The following LRRC53 variants were observed in gnomAD, a reference collection of about 807,000 sequenced individuals.
The protein encoded by LRRC53 is leucine-rich repeat-containing protein 53.
LRRC53 carries 25 observed loss-of-function variants against 13.6 expected under a neutral mutation model. The observed-to-expected ratio is 1.83, with a 90% CI of 1.34 to 2.56. The LOEUF is 2.56. LRRC53 is among the 30% of genes most tolerant of loss of function. LRRC53 has a pLI of 0.00. For missense variants in LRRC53, 527 were observed against 275.8 expected, an observed-to-expected ratio of 1.91 and a Z score of -6.45; for synonymous variants, 204 against 109.8, an observed-to-expected ratio of 1.86 and a Z score of -5.37.
chr1:74,513,759 C>A (rs1451332248), upstream of LRRC53, among the ~76,000 whole-genome samples: 1 of 152,170 alleles, frequency 6.6e-6, no homozygotes, highest in Non-Finnish European at 1.5e-5. Context: ...AAGCTGATGA[C>A]ACATTACTTT....
the LRRC53 span, among the ~76,000 whole-genome samples, chr1:74,530,841 T>A: frequency 6.6e-6 from 1 of 152,238 alleles, no homozygotes; most frequent in Non-Finnish European, 1.5e-5. Flanking sequence ...CTCTTAATGG[T>A]TTGCTCAGCT....
At chr1:74,525,276 G>A in the LRRC53 span, among the ~76,000 whole-genome samples, 11 of 152,158 alleles carry the variant, frequency 7.2e-5, no homozygotes, top group African/African-American at 1.9e-4. Context: ...TCTTCTAAGC[G>A]CTTTGCGTGT....
At position 74,480,829 on chromosome 1, in the gene LRRC53, G is replaced by A. The variant is rs1047773144; in HGVS notation, c.228C>T (p.Ala76=). 1.2e-4 allele frequency: 86 copies of A among 717,522 alleles called. No homozygotes were observed. In the East Asian group the frequency reaches 1.9e-3, roughly 16 times the overall value. The allele number at this position is 717,522 out of a possible 1,614,324, so 44.4% of individuals were successfully genotyped here. Residue 76 remains alanine (A), a synonymous_variant, in exon 3 of 5, where the codon GCC becomes GCT. Coordinates refer to ENST00000294635, the MANE Select transcript of LRRC53 (RefSeq NM_001382280.1). ...TCCGCAACATCGTAAGCCCATGCAGGGCATCTTCCTGAACATCCTCGATAC... is the reference window on the plus strand; with the variant it reads ...TCCGCAACATCGTAAGCCCATGCAGAGCATCTTCCTGAACATCCTCGATAC... The part of the protein sequence containing the change: ...RNGIEDVQED[A]LHGLTMLRTL...
rs115136068 is a variant in LRRC53 at position 74,499,030 on chromosome 1, A to G, written c.-27+13496T>C. Among the ~76,000 whole-genome samples, 908 of 152,350 alleles carry G rather than the reference A, an allele frequency of 6.0e-3. 14 individuals carry two copies. Among genetic ancestry groups the G allele is most frequent in the African/African-American group, 0.02 (843 of 41,572 alleles). On this transcript the variant is annotated intron_variant, in intron 1 of 4. Transcript: ENST00000294635. ...TTCATTTTATATTCTATTAATGTGA[A>G]TCTTCATTAGAGAAATGAATAAATA... is the stretch of plus-strand genomic sequence containing the variant.
upstream of LRRC53, among the ~76,000 whole-genome samples, chr1:74,513,155 G>C (rs956388668): frequency 1.2e-4 from 18 of 152,246 alleles, no homozygotes; most frequent in Admixed American, 1.2e-3. Flanking sequence ...TACAGCAGAG[G>C]TAGGTGCCTA....
At chr1:74,533,106 A>G in the LRRC53 span, among the ~76,000 whole-genome samples, 2 of 152,214 alleles carry the variant, frequency 1.3e-5, no homozygotes, top group Admixed American at 6.5e-5. Flanking sequence ...AGCAAAAGAA[A>G]GTACCGTCAG....
At chr1:74,492,227 A>G in intron 1 of LRRC53, 3 of 1,612,208 alleles carry the variant, frequency 1.9e-6, no homozygotes, top group Non-Finnish European at 2.5e-6. Context: ...GAATTGGAAT[A>G]TGCTCTAAAT....
chr1:74,503,054 A>G lies in LRRC53; in HGVS notation c.-27+9472T>C, dbSNP rs756022657. 5.3e-5 allele frequency among the ~76,000 whole-genome samples: 8 copies of G among 152,322 alleles called. No individual in the cohort carries two copies. In the South Asian group the frequency reaches 1.2e-3, roughly 24 times the overall value. ...ATGGAACTGAGTACACTGTAAAATT[A>G]GGCTCTTCTTTTCACTTCCTCATTA... On this transcript the variant is annotated intron_variant, in intron 1 of 4. Coordinates refer to ENST00000294635, the MANE Select transcript of LRRC53 (RefSeq NM_001382280.1).
the LRRC53 span, among the ~76,000 whole-genome samples, chr1:74,536,037 A>C: frequency 1.3e-5 from 2 of 152,132 alleles, no homozygotes; most frequent in African/African-American, 4.8e-5. Context: ...TGTTTTTCTA[A>C]GAGTGCAGAA....
chr1:74,525,006 G>A, the LRRC53 span, among the ~76,000 whole-genome samples: 2 of 152,282 alleles, frequency 1.3e-5, no homozygotes, highest in African/African-American at 4.8e-5. Flanking sequence ...TATATAGTAA[G>A]TATTTTACTT....
At chr1:74,472,391 CTT>C (rs1323302794) in intron 4 of LRRC53, among the ~76,000 whole-genome samples, 190 bp from the exon 5 acceptor site, 1 of 152,142 alleles carries the variant, frequency 6.6e-6, no homozygotes, top group African/African-American at 2.4e-5. Flanking sequence ...CAATGACACT[CTT>C]TATGGTCACA....
At chr1:74,499,562 C>T (rs274608) in intron 1 of LRRC53, among the ~76,000 whole-genome samples, 102,014 of 151,978 alleles carry the variant, frequency 0.67, 35,801 homozygotes, top group African/African-American at 0.88. Flanking sequence ...AAATATTATA[C>T]TGTATATTGG....
the LRRC53 span, among the ~76,000 whole-genome samples, chr1:74,522,510 C>T: frequency 6.6e-5 from 10 of 152,020 alleles, 1 homozygote; most frequent in South Asian, 1.2e-3. Context: ...ATTCTCCCCA[C>T]GCAGTATAGA....
At chr1:74,490,937 T>A (rs1669037551) in intron 1 of LRRC53, among the ~76,000 whole-genome samples, 1 of 152,170 alleles carries the variant, frequency 6.6e-6, no homozygotes, top group Non-Finnish European at 1.5e-5. Context: ...CTTAGGAGCA[T>A]CATGAATGCT....
At chr1:74,520,903 A>C in the LRRC53 span, among the ~76,000 whole-genome samples, 3 of 152,018 alleles carry the variant, frequency 2.0e-5, no homozygotes, top group Non-Finnish European at 4.4e-5. Context: ...TTGGAGCTTT[A>C]ATTTGCACAG....
chr1:74,521,679 G>A, the LRRC53 span, among the ~76,000 whole-genome samples: 44 of 152,098 alleles, frequency 2.9e-4, no homozygotes, highest in Admixed American at 5.9e-4. Context: ...AGCCCTAGTC[G>A]CTATTCTCGC....
At chr1:74,501,259 T>A (rs571571778) in intron 1 of LRRC53, among the ~76,000 whole-genome samples, 238 of 152,362 alleles carry the variant, frequency 1.6e-3, no homozygotes, top group Non-Finnish European at 2.6e-3. Flanking sequence ...AATGTGTTGT[T>A]TACTTTGTTC....
rs939046396 is a variant in LRRC53, at chr1:74,471,867, G to A, written c.1755C>T (p.Tyr585=). Residue 585 remains tyrosine, a synonymous_variant, in exon 5 of 5, where the codon TAC becomes TAT. Transcript: ENST00000294635. ...TACGATTTGGCTTCTTTTCTTTCAT[G>A]TAATCTTCAAATTGCTCACAGGGCA... ...KYVPCEQFED[Y]MKEKKPNRRQ... is the part of the protein sequence containing the mutation. 6.6e-6 allele frequency: 3 copies of A among 452,818 alleles called. No homozygotes were observed. The highest frequency in any genetic ancestry group is 1.2e-5 in the Non-Finnish European group (3 of 256,686). The allele number at this position is 452,818 out of a possible 1,614,324, so 28.1% of individuals were successfully genotyped here. A position where few individuals can be genotyped will look rare whatever the true frequency, so the allele number is the denominator to read the frequency against.
At chr1:74,512,633 C>G (rs564216193), upstream of LRRC53, 1 of 152,264 alleles carries the variant, frequency 6.6e-6, no homozygotes, top group South Asian at 2.1e-4. Flanking sequence ...ATGCCTTATT[C>G]CTCTTTATAT....
Sources: allele counts gnomAD v4.1 joint callset (sites outside exome capture counted in the v4.1 genomes callset), GRCh38; gene constraint gnomAD v4.1.1; transcripts MANE v1.5; gene names NCBI Gene and HGNC (gene_info 2026-07-23, HGNC 2026-07-21).